Variants in SRGAP3 observed in about 807,000 individuals in gnomAD.
The protein encoded by SRGAP3 is SLIT-ROBO Rho GTPase activating protein 3, also known as SLIT-ROBO Rho GTPase-activating protein 3.
In SRGAP3, 39 loss-of-function variants were observed where a neutral mutation model predicts 121.1. The observed-to-expected ratio is 0.32, with a 90% CI of 0.25 to 0.42. The LOEUF is 0.42. Ranked by LOEUF, SRGAP3 falls within the 10% of genes least tolerant of loss-of-function variation. SRGAP3 has a pLI of 1.00. For missense variants in SRGAP3, 1,213 were observed against 1,470.6 expected (o/e 0.82, Z 2.86); for synonymous variants, 601 against 570.0 (o/e 1.05, Z -0.77).
chr3:9,053,229 G>A lies in SRGAP3; in HGVS notation c.1126-5C>T, dbSNP rs773755749. 2 of 1,613,162 alleles carry A rather than the reference G, an allele frequency of 1.2e-6. No homozygotes were observed. ...GGCATCCAGGGTTTTCCTAACCTGG[G>A]GAAACACAGCAGATTGACAAAAATC... On this transcript the variant is annotated splice_polypyrimidine_tract_variant and splice_region_variant and intron_variant, in intron 8 of 21. Transcript: ENST00000383836.
At chr3:9,264,573 A>G (rs1005854420) in intron 3 of SRGAP3, among the ~76,000 whole-genome samples, 6 of 152,190 alleles carry the variant, frequency 3.9e-5, no homozygotes, top group African/African-American at 1.4e-4. Context: ...CCTATACACC[A>G]ATAACAGACA....
In SRGAP3 at chr3:8,985,501, C is replaced by A. The variant is rs754144480; in HGVS notation, c.*18G>T. The A allele has an allele frequency of 1.3e-6, 2 of 1,597,916 alleles. No homozygotes were observed. The highest frequency in any genetic ancestry group is 1.7e-6 in the Non-Finnish European group (2 of 1,179,220). On this transcript the variant is annotated 3_prime_UTR_variant, in exon 22 of 22. Transcript: ENST00000383836. The surrounding 1 kb of genome is among the most constrained non-coding windows in gnomAD (Gnocchi z 5.1). ...GGTGAGCCACAGCGGGCCACGGCGGCGCGGCCCATCCTGCAGGTCACATGG... is the reference window on the plus strand; with the variant it reads ...GGTGAGCCACAGCGGGCCACGGCGGAGCGGCCCATCCTGCAGGTCACATGG...
intron 4 of SRGAP3, among the ~76,000 whole-genome samples, chr3:9,065,056 C>T (rs985921487): frequency 1.3e-5 from 2 of 152,092 alleles, no homozygotes; most frequent in African/African-American, 4.8e-5. Context: ...TCCTCCCACA[C>T]CCATGGGAAT....
chr3:9,284,149 T>C (rs1408345971), intron 3 of SRGAP3, among the ~76,000 whole-genome samples: 3 of 151,070 alleles, frequency 2.0e-5, no homozygotes, highest in African/African-American at 7.3e-5. Flanking sequence ...AAAAAAAAGC[T>C]GGTAGTTGAG....
chr3:8,992,598 G>C (rs975428727), intron 20 of SRGAP3: 6 of 483,802 alleles, frequency 1.2e-5, no homozygotes, highest in Admixed American at 6.5e-5. Context: ...GCAGGAACTG[G>C]ACACAGGTAG....
intron 3 of SRGAP3, among the ~76,000 whole-genome samples, chr3:9,321,846 GA>G (rs1436390698): frequency 6.6e-6 from 1 of 151,480 alleles, no homozygotes; most frequent in African/African-American, 2.4e-5. Context: ...GAGAGGATCA[GA>G]AAAAATTTTT....
At chr3:9,047,253 C>A (rs1945334750) in intron 10 of SRGAP3, 138 bp downstream of exon 10, 2 of 854,676 alleles carry the variant, frequency 2.3e-6, no homozygotes, top group Admixed American at 4.0e-5. Context: ...TCCCAGCCTG[C>A]CCAGTCCTGG....
chr3:9,270,478 C>G (rs571370349), intron 3 of SRGAP3, among the ~76,000 whole-genome samples: 1 of 152,296 alleles, frequency 6.6e-6, no homozygotes, highest in African/African-American at 2.4e-5. Flanking sequence ...TTTACCTTGA[C>G]TGGGGTGGTA....
intron 10 of SRGAP3, among the ~76,000 whole-genome samples, chr3:9,044,215 C>A (rs780627346): frequency 2.0e-5 from 3 of 152,202 alleles, no homozygotes; most frequent in African/African-American, 7.2e-5. Flanking sequence ...CAAAAGAGTA[C>A]AGCAGTCCAC....
intron 3 of SRGAP3, among the ~76,000 whole-genome samples, chr3:9,284,467 A>T (rs1954733144): frequency 6.6e-6 from 1 of 152,220 alleles, no homozygotes; most frequent in Admixed American, 6.5e-5. Context: ...TTTAGCTACC[A>T]TTGCTTTTGC....
At chr3:9,214,112 C>A (rs1952535853) in intron 1 of SRGAP3, among the ~76,000 whole-genome samples, 1 of 136,214 alleles carries the variant, frequency 7.3e-6, no homozygotes, top group Non-Finnish European at 1.7e-5. Context: ...CCCCTACCCA[C>A]CTCCAACACA....
At chr3:9,173,106 C>T (rs1046428243) in intron 1 of SRGAP3, among the ~76,000 whole-genome samples, 7 of 152,340 alleles carry the variant, frequency 4.6e-5, no homozygotes, top group African/African-American at 1.4e-4. Context: ...GCTGCTTGCA[C>T]TGCTGGGAGG....
chr3:9,286,886 G>A (rs1954785499), intron 3 of SRGAP3, among the ~76,000 whole-genome samples: 1 of 146,782 alleles, frequency 6.8e-6, no homozygotes, highest in East Asian at 2.0e-4. Context: ...ACAGGCGTGA[G>A]CCACCGCCCC....
chr3:9,129,387 A>T (rs928226069), intron 1 of SRGAP3, among the ~76,000 whole-genome samples: 3 of 151,902 alleles, frequency 2.0e-5, no homozygotes, highest in Non-Finnish European at 4.4e-5. Flanking sequence ...TTAAAGAATG[A>T]GACATTTTAG....
At chr3:9,261,687 A>T (rs1376716424) in intron 3 of SRGAP3, among the ~76,000 whole-genome samples, 2 of 152,016 alleles carry the variant, frequency 1.3e-5, no homozygotes, top group Non-Finnish European at 2.9e-5. Context: ...CCCCCAAGAA[A>T]TATGAGACTA....
At chr3:9,297,270 G>C (rs1954968077) in intron 3 of SRGAP3, among the ~76,000 whole-genome samples, 2 of 152,134 alleles carry the variant, frequency 1.3e-5, no homozygotes, top group African/African-American at 4.8e-5. Context: ...TGCAGGCCCA[G>C]TGTCCTCCTC....
Position 9,010,952 on chromosome 3 carries a change from G to T in SRGAP3, c.2148-565C>A, listed in dbSNP as rs528622180. Among the ~76,000 whole-genome samples, 4 of 152,260 alleles carry T rather than the reference G, an allele frequency of 2.6e-5. No individual in the cohort carries two copies. The East Asian group carries it at 7.7e-4, about 29-fold the overall frequency. ...GTAATCCAGTCCATCAGATTTAATTGTTAATGTGCTGGTATAATTTCACCA... is the reference window on the plus strand; with the variant it reads ...GTAATCCAGTCCATCAGATTTAATTTTTAATGTGCTGGTATAATTTCACCA... On this transcript the variant is annotated intron_variant, in intron 17 of 21. Transcript: ENST00000383836.
intron 3 of SRGAP3, among the ~76,000 whole-genome samples, chr3:9,270,182 T>C (rs1954444869): frequency 6.6e-6 from 1 of 152,198 alleles, no homozygotes; most frequent in Non-Finnish European, 1.5e-5. Flanking sequence ...CTGAGCACAG[T>C]TGTTTTGAAG....
chr3:9,344,723 C>T (rs999333578), intron 1 of SRGAP3, among the ~76,000 whole-genome samples: 2 of 152,122 alleles, frequency 1.3e-5, no homozygotes, highest in Non-Finnish European at 2.9e-5. Flanking sequence ...CCCCTACTAC[C>T]TTTCTATATT....
Sources: gnomAD v4.1 joint callset for allele counts (sites outside exome capture counted in the v4.1 genomes callset) on GRCh38, gnomAD v4.1.1 for gene constraint, Gnocchi (gnomAD v3.1) non-coding constraint, MANE v1.5 for transcripts, NCBI Gene and HGNC (gene_info 2026-07-23, HGNC 2026-07-21) for gene names.